NCALD: variants seen among roughly 807,000 people sequenced by gnomAD.
NCALD encodes the protein neurocalcin delta.
Under a neutral mutation model 18.6 loss-of-function variants are expected in NCALD, and 10 were observed. That is an observed-to-expected ratio of 0.54 (90% CI 0.33 to 0.91). The LOEUF is 0.91. Ranked by LOEUF, NCALD falls within the 40% of genes least tolerant of loss-of-function variation. NCALD has a pLI of 0.03. For synonymous variants in NCALD, 88 were observed against 87.4 expected, an observed-to-expected ratio of 1.01 and a Z score of -0.04; for missense variants, 184 against 247.6, an observed-to-expected ratio of 0.74 and a Z score of 1.72.
At chr8:101,993,669 C>A (rs1022842618) in intron 2 of NCALD, among the ~76,000 whole-genome samples, 1 of 152,202 alleles carries the variant, frequency 6.6e-6, no homozygotes, top group Admixed American at 6.5e-5. Flanking sequence ...CTACTCCAGG[C>A]TGCTCCTGCC....
intron 2 of NCALD, among the ~76,000 whole-genome samples, chr8:101,966,697 A>G (rs1165609308): frequency 6.6e-6 from 1 of 152,172 alleles, no homozygotes; most frequent in Non-Finnish European, 1.5e-5. Context: ...TTTTTGACAT[A>G]GGTATGAAGA....
At chr8:102,095,339 G>T (rs1376081161) in intron 1 of NCALD, among the ~76,000 whole-genome samples, 1 of 152,178 alleles carries the variant, frequency 6.6e-6, no homozygotes, top group Non-Finnish European at 1.5e-5. Flanking sequence ...TGTGAATAAA[G>T]AACACGTGTT....
chr8:102,056,327 C>A (rs1823648714), intron 1 of NCALD, among the ~76,000 whole-genome samples: 1 of 152,136 alleles, frequency 6.6e-6, no homozygotes, highest in African/African-American at 2.4e-5. Context: ...CTGAGCCTAC[C>A]CTTTTAAATA....
chr8:102,033,323 T>A lies in NCALD; in HGVS notation c.-209-13034A>T, dbSNP rs564834737. Among the ~76,000 whole-genome samples, 10 of 152,310 alleles carry A rather than the reference T, an allele frequency of 6.6e-5. No homozygotes were observed. The South Asian group carries it at 1.9e-3, about 28-fold the overall frequency. On this transcript the variant is annotated intron_variant, in intron 1 of 6. Coordinates refer to the NCALD transcript ENST00000311028. ...ACTGAGAGATAACCTCTTGAAAGCT[T>A]ATGGAACTATATCTTACAGGATGTA...
intron 1 of NCALD, among the ~76,000 whole-genome samples, chr8:102,113,669 G>A (rs1825700491): frequency 6.6e-6 from 1 of 152,128 alleles, no homozygotes; most frequent in Non-Finnish European, 1.5e-5. Flanking sequence ...TGTGCCTGCT[G>A]TTTTGCTGTA....
chr8:102,070,678 A>G (rs1326169714), intron 1 of NCALD, among the ~76,000 whole-genome samples: 1 of 152,264 alleles, frequency 6.6e-6, no homozygotes, highest in African/African-American at 2.4e-5. Flanking sequence ...AGTGAAATCT[A>G]TAAAAAAGAA....
At chr8:101,920,185 A>G (rs1818113848) in intron 2 of NCALD, among the ~76,000 whole-genome samples, 1 of 152,190 alleles carries the variant, frequency 6.6e-6, no homozygotes, top group African/African-American at 2.4e-5. Flanking sequence ...TGAGCCCAGG[A>G]GGTCCAGGCT....
At chr8:101,900,740 T>C (rs1472345016) in intron 3 of NCALD, among the ~76,000 whole-genome samples, 2 of 152,040 alleles carry the variant, frequency 1.3e-5, no homozygotes, top group African/African-American at 2.4e-5. Context: ...TTCAATTCTT[T>C]TAAATTTGTT....
intron 4 of NCALD, among the ~76,000 whole-genome samples, chr8:101,803,567 A>T (rs1025615620): frequency 6.6e-6 from 1 of 152,200 alleles, no homozygotes; most frequent in Non-Finnish European, 1.5e-5. Context: ...CCTCTGATGG[A>T]TCTGGGCAAA....
At chr8:101,746,591 T>C (rs1810434329) in intron 1 of NCALD, among the ~76,000 whole-genome samples, 1 of 152,136 alleles carries the variant, frequency 6.6e-6, no homozygotes, top group Admixed American at 6.6e-5. Context: ...GAAATTCAGG[T>C]CTTCAAATGT....
chr8:101,719,523 C>G lies in NCALD; in HGVS notation c.107G>C (p.Arg36Thr). The change falls in exon 2 of 4, where the codon AGA becomes ACA. Residue 36 changes from arginine (R) to threonine (T), a missense_variant. Physicochemically the swap from Arg to Thr is moderately conservative, Grantham distance 71. Transcript: ENST00000220931. ...TGACAAATGTCCACTGGGGCAGTCT[C>G]TCAAGAAGCCTTTATACCATTCCTG... ...EIQEWYKGFL[R>T]DCPSGHLSME... 1 of 1,614,238 alleles carries G rather than the reference C, an allele frequency of 6.2e-7. No individual in the cohort carries two copies. The highest frequency in any genetic ancestry group is 8.5e-7 in the Non-Finnish European group (1 of 1,180,032).
intron 1 of NCALD, among the ~76,000 whole-genome samples, chr8:102,049,173 TC>T (rs1339122145): frequency 1.3e-5 from 2 of 152,114 alleles, no homozygotes; most frequent in Non-Finnish European, 2.9e-5. Flanking sequence ...TATCCATAGG[TC>T]CGCATCTGCA....
At chr8:102,088,305 C>G (rs531254649) in intron 1 of NCALD, among the ~76,000 whole-genome samples, 1 of 152,150 alleles carries the variant, frequency 6.6e-6, no homozygotes, top group African/African-American at 2.4e-5. Context: ...ATTTTTTATT[C>G]TCTTCCCCTC....
At chr8:101,757,649 A>T (rs1810944206) in intron 1 of NCALD, among the ~76,000 whole-genome samples, 1 of 152,152 alleles carries the variant, frequency 6.6e-6, no homozygotes, top group East Asian at 1.9e-4. Context: ...TCATCACCCC[A>T]GTTCTAGATG....
chr8:101,999,734 A>C (rs1821376919), intron 2 of NCALD, among the ~76,000 whole-genome samples: 1 of 151,790 alleles, frequency 6.6e-6, no homozygotes, highest in African/African-American at 2.4e-5. Context: ...AAAGTAGGCT[A>C]TTATTCTCTA....
chr8:101,799,450 G>A (rs1563780940), intron 4 of NCALD, among the ~76,000 whole-genome samples: 2 of 152,106 alleles, frequency 1.3e-5, no homozygotes, highest in African/African-American at 2.4e-5. Context: ...ACGAAGACAC[G>A]CTAACACAAA....
intron 1 of NCALD, among the ~76,000 whole-genome samples, chr8:101,761,356 AC>A: frequency 6.6e-6 from 1 of 152,184 alleles, no homozygotes; most frequent in Non-Finnish European, 1.5e-5. Flanking sequence ...CATCTGTGTT[AC>A]TACAGCAGCC....
chr8:102,086,848 G>A (rs920470931), intron 1 of NCALD, among the ~76,000 whole-genome samples: 2 of 152,132 alleles, frequency 1.3e-5, no homozygotes, highest in African/African-American at 4.8e-5. Context: ...GATAAAACAG[G>A]TTGCAGTAAA....
intron 1 of NCALD, among the ~76,000 whole-genome samples, chr8:102,080,944 C>G (rs1486636403): frequency 6.6e-6 from 1 of 152,172 alleles, no homozygotes; most frequent in Non-Finnish European, 1.5e-5. Context: ...TTGAAGGAAA[C>G]TTTTTGTTTG....
Sources: allele counts gnomAD v4.1 joint callset (sites outside exome capture counted in the v4.1 genomes callset), GRCh38; gene constraint gnomAD v4.1.1; transcripts MANE v1.5; gene names NCBI Gene and HGNC (gene_info 2026-07-23, HGNC 2026-07-21).